Variants in CNPY1 observed in about 807,000 individuals in gnomAD.
CNPY1 encodes protein canopy homolog 1.
CNPY1 carries 14 observed loss-of-function variants against 14.4 expected under a neutral mutation model. That is an observed-to-expected ratio of 0.97 (90% CI 0.64 to 1.52). The LOEUF is 1.52. Among genes scored for constraint, CNPY1 ranks in the 40% most tolerant of loss-of-function variants. The probability of loss-of-function intolerance (pLI) is 0.00; values close to 1 mark genes in which losing one functional copy is unlikely to be tolerated. For synonymous variants in CNPY1, 43 were observed against 46.5 expected, an observed-to-expected ratio of 0.92 and a Z score of 0.31; for missense variants, 129 against 131.5, an observed-to-expected ratio of 0.98 and a Z score of 0.09.
chr7:155,530,830 CCA>C (rs1796925285), intron 2 of CNPY1, among the ~76,000 whole-genome samples: 1 of 152,212 alleles, frequency 6.6e-6, no homozygotes, highest in Non-Finnish European at 1.5e-5. Context: ...TCCCTGGCCT[CCA>C]CCCACTGCAT....
chr7:155,518,031 G>C (rs1362147041), intron 2 of CNPY1, among the ~76,000 whole-genome samples: 1 of 152,198 alleles, frequency 6.6e-6, no homozygotes, highest in Non-Finnish European at 1.5e-5. Context: ...ATATGACCCA[G>C]AACCAAGGCC....
intron 2 of CNPY1, among the ~76,000 whole-genome samples, chr7:155,537,631 C>T (rs964925057): frequency 2.0e-5 from 3 of 151,812 alleles, no homozygotes; most frequent in African/African-American, 7.3e-5. Context: ...CACCGTGTTG[C>T]CCAGGCTGGT....
chr7:155,509,683 C>A (rs992367694), intron 2 of CNPY1, among the ~76,000 whole-genome samples: 3 of 152,178 alleles, frequency 2.0e-5, no homozygotes, highest in African/African-American at 7.2e-5. Context: ...ATGGCCCGGG[C>A]TGGGGTGGAC....
rs559618074 is a variant in CNPY1 at position 155,539,380 on chromosome 7, T to C, written c.99+6451A>G. On this transcript the variant is annotated intron_variant, in intron 2 of 4. Transcript: ENST00000636446. ...CTATAAGATGTACTCTGATATTTAA[T>C]ATATATTTCTACATTCTTGTATGCC... is the stretch of plus-strand genomic sequence containing the variant. Among the ~76,000 whole-genome samples, 31 of 152,334 alleles carry C rather than the reference T, an allele frequency of 2.0e-4. No homozygotes were observed. In the South Asian group the frequency reaches 6.0e-3, roughly 30 times the overall value.
chr7:155,519,630 T>C (rs7786816), intron 2 of CNPY1, among the ~76,000 whole-genome samples: 85,484 of 151,510 alleles, frequency 0.56, 24,340 homozygotes, highest in Middle Eastern at 0.69. Flanking sequence ...GACCTGTTAT[T>C]GGTGGCAAAA....
chr7:155,510,509 G>A (rs577025879), intron 2 of CNPY1: 1 of 152,268 alleles, frequency 6.6e-6, no homozygotes, highest in South Asian at 2.1e-4. Flanking sequence ...CCCACGACTC[G>A]GCTGGAGCTT....
At chr7:155,538,768 C>A (rs1485245334) in intron 2 of CNPY1, among the ~76,000 whole-genome samples, 1 of 152,200 alleles carries the variant, frequency 6.6e-6, no homozygotes, top group Non-Finnish European at 1.5e-5. Flanking sequence ...TGAGCACCGC[C>A]ATGGGCTGAC....
At chr7:155,519,235 G>A (rs1796674142) in intron 2 of CNPY1, among the ~76,000 whole-genome samples, 1 of 152,174 alleles carries the variant, frequency 6.6e-6, no homozygotes, top group South Asian at 2.1e-4. Flanking sequence ...TGGAAAGAAT[G>A]GATGCAGGCT....
chr7:155,534,879 C>G (rs189594055), intron 2 of CNPY1, among the ~76,000 whole-genome samples: 1 of 152,146 alleles, frequency 6.6e-6, no homozygotes, highest in Non-Finnish European at 1.5e-5. Context: ...AGCCTCTGCT[C>G]GGTGTCTGTG....
intron 3 of CNPY1, 81 bp from the exon 4 acceptor site, chr7:155,507,197 A>G (rs1796348029): frequency 1.2e-6 from 1 of 843,420 alleles, no homozygotes; most frequent in Non-Finnish European, 2.0e-6. Context: ...GCAACAATTT[A>G]TTAGCTAAAC....
At chr7:155,521,552 C>T (rs555416654) in intron 2 of CNPY1, among the ~76,000 whole-genome samples, 103 of 152,310 alleles carry the variant, frequency 6.8e-4, no homozygotes, top group African/African-American at 2.3e-3. Context: ...GGCCTGAAAT[C>T]GCCAGGCGGC....
chr7:155,507,381 G>C (rs1396472193), intron 3 of CNPY1, among the ~76,000 whole-genome samples: 2 of 144,832 alleles, frequency 1.4e-5, no homozygotes, highest in African/African-American at 5.2e-5. Flanking sequence ...ACATCTCTTT[G>C]CATGTTTCGC....
rs35711313 is a variant in CNPY1 at position 155,507,471 on chromosome 7, T to TAAAAAAAAAAAAAAAAAAAA, written c.304-375_304-356dup. Among the ~76,000 whole-genome samples, 63 of 54,144 alleles carry TAAAAAAAAAAAAAAAAAAAA rather than the reference T, an allele frequency of 1.2e-3. 10 individuals carry two copies. The highest frequency in any genetic ancestry group is 5.6e-3 in the African/African-American group (57 of 10,108). 35.5% of individuals were successfully genotyped at this position (54,144 alleles called of 152,430 possible). On this transcript the variant is annotated intron_variant, in intron 3 of 4. Transcript: ENST00000636446. ...CTGAAAAGTCCAACGGTTTTTAAAC[T>TAAAAAAAAAAAAAAAAAAAA]AAAAAAAAAAAAAAAAAAAAAAAAA...
intron 2 of CNPY1, among the ~76,000 whole-genome samples, chr7:155,511,813 A>C (rs1367757736): frequency 6.6e-6 from 1 of 152,254 alleles, no homozygotes; most frequent in Non-Finnish European, 1.5e-5. Context: ...AAGATTAAGA[A>C]AAATTTTGAT....
intron 2 of CNPY1, among the ~76,000 whole-genome samples, chr7:155,516,616 G>A (rs1053942687): frequency 2.6e-5 from 4 of 152,172 alleles, no homozygotes; most frequent in African/African-American, 7.2e-5. Flanking sequence ...CCCAGCCTGG[G>A]GCACACCCAG....
rs1011493507 is a variant in CNPY1, at chr7:155,536,180, A to G, written c.99+9651T>C. ...TAAATCCATGGCATGCAGTGGTGAAACAGGGACTTGCAGCATTACCTGTGG... is the reference window on the plus strand; with the variant it reads ...TAAATCCATGGCATGCAGTGGTGAAGCAGGGACTTGCAGCATTACCTGTGG... On this transcript the variant is annotated intron_variant, in intron 2 of 4. Transcript: ENST00000636446. This position sits in a 1 kb window ranked among gnomAD's most constrained non-coding sequence, Gnocchi z 4.1. Among the ~76,000 whole-genome samples the G allele has an allele frequency of 1.3e-5, 2 of 152,100 alleles. No individual in the cohort carries two copies. Among genetic ancestry groups the G allele is most frequent in the Admixed American group, 1.3e-4 (2 of 15,270 alleles).
chr7:155,515,330 CA>C (rs1796601113), intron 2 of CNPY1, among the ~76,000 whole-genome samples: 1 of 139,714 alleles, frequency 7.2e-6, no homozygotes, highest in African/African-American at 2.6e-5. Context: ...GGAACTCTTT[CA>C]CATCCTAAGA....
At chr7:155,503,225 G>A (rs1406262580) in intron 4 of CNPY1, 120 bp from the exon 5 acceptor site, 3 of 836,140 alleles carry the variant, frequency 3.6e-6, no homozygotes, top group Admixed American at 2.8e-5. Flanking sequence ...CTTTTATTAT[G>A]GAAATTTTCC....
intron 2 of CNPY1, among the ~76,000 whole-genome samples, chr7:155,515,491 C>T (rs1237193264): frequency 6.6e-6 from 1 of 152,188 alleles, no homozygotes; most frequent in Non-Finnish European, 1.5e-5. Context: ...TCACCTCCCC[C>T]ACCCTAGGGA....
Sources: gnomAD v4.1 joint callset for allele counts (sites outside exome capture counted in the v4.1 genomes callset) on GRCh38, gnomAD v4.1.1 for gene constraint, Gnocchi (gnomAD v3.1) non-coding constraint, MANE v1.5 for transcripts, NCBI Gene and HGNC (gene_info 2026-07-23, HGNC 2026-07-21) for gene names.